The following ZNF497 variants were observed in gnomAD, a reference collection of about 807,000 sequenced individuals.
ZNF497 encodes zinc finger-like protein.
For missense variants in ZNF497, 930 were observed against 714.0 expected (o/e 1.30, Z -3.45); for synonymous variants, 422 against 313.7 (o/e 1.35, Z -3.65).
At position 58,357,140 on chromosome 19, in the gene ZNF497, C is replaced by T. The variant is rs2052035439; in HGVS notation, c.496G>A (p.Glu166Lys). The T allele has an allele frequency of 3.1e-6, 5 of 1,602,526 alleles. No individual in the cohort carries two copies. The highest frequency in any genetic ancestry group is 2.7e-5 in the African/African-American group (2 of 74,628). Residue 166 changes from glutamate (E) to lysine (K), a missense_variant, in exon 3 of 3, where the codon GAG becomes AAG. Physicochemically the swap from Glu to Lys is moderately conservative, Grantham distance 56. Coordinates refer to ENST00000311044, the MANE Select transcript of ZNF497 (RefSeq NM_198458.3). Reference protein sequence around the residue: ...HSGEKPYACRECGKAFRAHSQ... With the variant: ...HSGEKPYACRKCGKAFRAHSQ... ...TGCGCGCGGAAGGCCTTGCCGCACT[C>T]CCTGCAAGCGTAGGGCTTCTCGCCG...
In ZNF497 at chr19:58,356,319, C is replaced by T. The variant is rs757917125; in HGVS notation, c.1317G>A (p.Glu439=). The T allele has an allele frequency of 1.1e-5, 18 of 1,577,958 alleles. No individual in the cohort carries two copies. The highest frequency in any genetic ancestry group is 1.8e-5 in the Admixed American group (1 of 54,560). ...TGCAGTGGGCGCAGACGAACGGCCT[C>T]TCGCCAGAGTGCAGGCGCTGGTGCT... ...LRQHQRLHSG[E]RPFVCAHCSK... The change falls in exon 3 of 3, where the codon GAG becomes GAA. Residue 439 remains glutamate, a synonymous_variant. Coordinates refer to ENST00000311044, the MANE Select transcript of ZNF497 (RefSeq NM_198458.3).
Position 58,358,265 on chromosome 19 carries a change from G to A in ZNF497, c.-15+224C>T, listed in dbSNP as rs749869060. The A allele has an allele frequency of 9.3e-6, 12 of 1,289,692 alleles. No homozygotes were observed. The Admixed American group carries it at 1.6e-4, about 17-fold the overall frequency. The allele number at this position is 1,289,692 out of a possible 1,614,324, so 79.9% of individuals were successfully genotyped here. A position where few individuals can be genotyped will look rare whatever the true frequency, so the allele number is the denominator to read the frequency against. On this transcript the variant is annotated intron_variant, in intron 2 of 2. Coordinates refer to ENST00000311044, the MANE Select transcript of ZNF497 (RefSeq NM_198458.3). ...TCAGACCAGGTGGTCCAAGGCATGGGGTGGCTGTGCAGCCCAGATCCCTGA... is the reference window on the plus strand; with the variant it reads ...TCAGACCAGGTGGTCCAAGGCATGGAGTGGCTGTGCAGCCCAGATCCCTGA...
At chr19:58,360,440 C>A (rs1361022999) in intron 1 of ZNF497, among the ~76,000 whole-genome samples, 1 of 151,908 alleles carries the variant, frequency 6.6e-6, no homozygotes, top group Non-Finnish European at 1.5e-5. Context: ...GCAATCTCAT[C>A]TCCCAGGCTC....
chr19:58,361,264 G>T (rs879383090), intron 1 of ZNF497, among the ~76,000 whole-genome samples: 2 of 152,258 alleles, frequency 1.3e-5, no homozygotes, highest in African/African-American at 2.4e-5. Context: ...AGAGGTAGGA[G>T]GGAAGGGTAT....
rs377455491 is a variant in ZNF497 at position 58,357,141 on chromosome 19, C to T, written c.495G>A (p.Arg165=). The T allele has an allele frequency of 1.2e-5, 20 of 1,601,516 alleles. No homozygotes were observed. The highest frequency in any genetic ancestry group is 1.5e-5 in the Non-Finnish European group (18 of 1,171,822). ...GCGCGCGGAAGGCCTTGCCGCACTC[C>T]CTGCAAGCGTAGGGCTTCTCGCCGC... ...IHSGEKPYAC[R]ECGKAFRAHS... The change falls in exon 3 of 3, where the codon AGG becomes AGA. Residue 165 remains arginine (R), a synonymous_variant. Transcript: ENST00000311044.
intron 2 of ZNF497, 23 bp downstream of exon 2, chr19:58,358,466 C>G: frequency 9.2e-7 from 1 of 1,092,878 alleles, no homozygotes; most frequent in Non-Finnish European, 1.2e-6. Flanking sequence ...AGGGCAGGGA[C>G]AAGTGTGTAG....
rs1215644220 is a variant in ZNF497, at chr19:58,355,427, C to T, written c.*712G>A. Reference sequence around the variant, plus strand: ...TTGGGAGGCTGAGGTGGGAGGATCACCTGAGCCTAAGAAGTCGCGGCTGCA... The same window carrying T: ...TTGGGAGGCTGAGGTGGGAGGATCATCTGAGCCTAAGAAGTCGCGGCTGCA... On this transcript the variant is annotated 3_prime_UTR_variant, in exon 3 of 3. Transcript: ENST00000311044. The T allele has an allele frequency of 6.6e-6, 1 of 152,192 alleles. No individual in the cohort carries two copies. Among genetic ancestry groups the T allele is most frequent in the African/African-American group, 2.4e-5 (1 of 41,408 alleles). The allele number at this position is 152,192 out of a possible 1,614,324, so 9.4% of individuals were successfully genotyped here.
intron 1 of ZNF497, among the ~76,000 whole-genome samples, chr19:58,361,872 A>C (rs118165397): frequency 0.045 from 6,823 of 152,214 alleles, 200 homozygotes; most frequent in Non-Finnish European, 0.069. Flanking sequence ...GGAGCCAGGC[A>C]CCGCTGCCCC....
At chr19:58,357,757 C>T in intron 2 of ZNF497, 108 bp from the exon 3 acceptor site, 1 of 1,257,664 alleles carries the variant, frequency 8.0e-7, no homozygotes, top group Non-Finnish European at 1.1e-6. Flanking sequence ...CACTCTTCTC[C>T]TCCAGGTCCC....
chr19:58,362,070 T>G (rs1267468707), intron 1 of ZNF497, among the ~76,000 whole-genome samples: 7 of 151,780 alleles, frequency 4.6e-5, no homozygotes, highest in East Asian at 1.9e-4. Flanking sequence ...CCTCAACGCC[T>G]CCTCCTCACC....
chr19:58,357,652 A>C lies in ZNF497; in HGVS notation c.-14-3T>G. Reference sequence around the variant, plus strand: ...GGACTCCATCTCGCGCCTGTGACCTAAAACAGGAGAGAAAAGGCAAGTACC... The same window carrying C: ...GGACTCCATCTCGCGCCTGTGACCTCAAACAGGAGAGAAAAGGCAAGTACC... On this transcript the variant is annotated splice_region_variant and splice_polypyrimidine_tract_variant and intron_variant, in intron 2 of 2. Transcript: ENST00000311044. 2 of 1,514,816 alleles carry C rather than the reference A, an allele frequency of 1.3e-6. No homozygotes were observed. The highest frequency in any genetic ancestry group is 1.3e-5 in the South Asian group (1 of 75,126). The allele number at this position is 1,514,816 out of a possible 1,614,324, so 93.8% of individuals were successfully genotyped here. A position where few individuals can be genotyped will look rare whatever the true frequency, so the allele number is the denominator to read the frequency against.
chr19:58,358,684 CT>C, intron 1 of ZNF497, 99 bp from the exon 2 acceptor site: 2 of 533,820 alleles, frequency 3.7e-6, no homozygotes, highest in East Asian at 7.0e-5. Flanking sequence ...TTCTCTGCAC[CT>C]TCAGTTCTCA....
At position 58,357,477 on chromosome 19, in the gene ZNF497, G is replaced by C. The variant is rs771681598; in HGVS notation, c.159C>G (p.Asp53Glu). ...CCAGTGTGGCTTGCTGCCGCTGGCC[G>C]TCCCCTGCCTCCCTCGGAACCTCCG... is the stretch of plus-strand genomic sequence containing the variant. ...NSTEVPREAG[D>E]GQRQQATLGA... Residue 53 changes from aspartate (D) to glutamate (E), a missense_variant, in exon 3 of 3, where the codon GAC becomes GAG. By Grantham distance (45) the Asp-to-Glu change is conservative (BLOSUM62 2). Transcript: ENST00000311044. 7.1e-5 allele frequency: 113 copies of C among 1,593,682 alleles called. 1 individual carries two copies. In the East Asian group the frequency reaches 2.5e-3, roughly 35 times the overall value.
chr19:58,356,450 GGAAGGCCTTGCCGCAGTCGGCGCAGGC>G lies in ZNF497; in HGVS notation c.1159_1185del (p.Ala387_Phe395del). On this transcript the variant is annotated inframe_deletion, in exon 3 of 3. Coordinates refer to ENST00000311044, the MANE Select transcript of ZNF497 (RefSeq NM_198458.3). ...TGGTGCGCCAGGCCGGAACTGCCGC[GGAAGGCCTTGCCGCAGTCGGCGCAGGC>G]GAAGGGCTTGGCGCCCGAGTGCGTG... 6.4e-7 allele frequency: 1 copy of G among 1,555,854 alleles called. No individual in the cohort carries two copies. The highest frequency in any genetic ancestry group is 2.4e-5 in the East Asian group (1 of 42,050).
At chr19:58,362,570 G>C (rs1398536653) in intron 1 of ZNF497, 107 bp downstream of exon 1, 1 of 145,594 alleles carries the variant, frequency 6.9e-6, no homozygotes. Flanking sequence ...GGTGGTCCCA[G>C]AGGGCCCAGC....
At position 58,355,813 on chromosome 19, in the gene ZNF497, A is replaced by G; in HGVS notation, c.*326T>C. Reference sequence around the variant, plus strand: ...TTGGCTGCTTTTGACAGTGCCAGAGAACTCAAAGAAATAGCCACACCTGTC... The same window carrying G: ...TTGGCTGCTTTTGACAGTGCCAGAGGACTCAAAGAAATAGCCACACCTGTC... On this transcript the variant is annotated 3_prime_UTR_variant, in exon 3 of 3. Coordinates refer to ENST00000311044, the MANE Select transcript of ZNF497 (RefSeq NM_198458.3). 2 of 276,972 alleles carry G rather than the reference A, an allele frequency of 7.2e-6. No individual in the cohort carries two copies. Among genetic ancestry groups the G allele is most frequent in the Non-Finnish European group, 6.7e-6 (1 of 148,676 alleles). 17.2% of individuals were successfully genotyped at this position (276,972 alleles called of 1,614,324 possible).
chr19:58,357,776 C>A, intron 2 of ZNF497, 127 bp from the exon 3 acceptor site: 1 of 1,211,158 alleles, frequency 8.3e-7, no homozygotes, highest in Non-Finnish European at 1.1e-6. Context: ...CCTGGATGCC[C>A]AATGCCCTCT....
chr19:58,356,727 G>A lies in ZNF497; in HGVS notation c.909C>T (p.Pro303=), dbSNP rs374026234. The A allele has an allele frequency of 2.5e-6, 4 of 1,571,586 alleles. No homozygotes were observed. The African/African-American group carries it at 4.1e-5, about 16-fold the overall frequency. The change falls in exon 3 of 3, where the codon CCC becomes CCT. Residue 303 remains proline (P), a synonymous_variant. Coordinates refer to ENST00000311044, the MANE Select transcript of ZNF497 (RefSeq NM_198458.3). ...RRTHSSEKPF[P]CAECGKAFRE... The stretch of plus-strand genomic sequence containing the variant: ...GGAAAGCCTTTCCGCACTCGGCGCA[G>A]GGGAAGGGCTTCTCGCTGCTGTGCG...
At position 58,357,188 on chromosome 19, in the gene ZNF497, TGAGG is replaced by T; in HGVS notation, c.444_447del (p.Asn148LysfsTer39). 6.2e-7 allele frequency: 1 copy of T among 1,603,960 alleles called. No homozygotes were observed. The highest frequency in any genetic ancestry group is 2.3e-5 in the East Asian group (1 of 44,294). On this transcript the variant is annotated frameshift_variant, in exon 3 of 3. Coordinates refer to ENST00000311044, the MANE Select transcript of ZNF497 (RefSeq NM_198458.3). ...CCGCTGTGGATGCGCTGGTGCTGGC[TGAGG>T]TTGGAGCTCCAGGCGAAGGCCTTGC...
Sources: allele counts gnomAD v4.1 joint callset (sites outside exome capture counted in the v4.1 genomes callset), GRCh38; gene constraint gnomAD v4.1.1; transcripts MANE v1.5; gene names NCBI Gene and HGNC (gene_info 2026-07-23, HGNC 2026-07-21).